The following SMC1B variants were observed in gnomAD, a reference collection of about 807,000 sequenced individuals.
The protein encoded by SMC1B is structural maintenance of chromosomes 1B.
SMC1B carries 60 observed loss-of-function variants against 157.9 expected under a neutral mutation model. The observed-to-expected ratio is 0.38, with a 90% CI of 0.31 to 0.47. The LOEUF (loss-of-function observed/expected upper bound fraction) is 0.47. SMC1B is among the 20% of genes least tolerant of loss of function. The pLI is 0.99. For missense variants in SMC1B, 1,165 were observed against 1,426.2 expected (o/e 0.82, Z 2.95); for synonymous variants, 445 against 483.0 (o/e 0.92, Z 1.03).
rs149498267 is a variant in SMC1B, at chr22:45,377,369, T to A, written c.2059-5077A>T. On this transcript the variant is annotated intron_variant, in intron 12 of 24. Transcript: ENST00000357450. ...ACAAAATTTCCTAGCCTGGGCATGG[T>A]GGCTCATGCCTGTAATCCCAGCACT... 7.7e-3 allele frequency among the ~76,000 whole-genome samples: 1,169 copies of A among 152,238 alleles called. 18 individuals are homozygous for A. Among genetic ancestry groups the A allele is most frequent in the African/African-American group, 0.027 (1,124 of 41,558 alleles).
At chr22:45,370,115 AT>A in intron 14 of SMC1B, 55 bp from the exon 15 acceptor site, 1 of 1,003,986 alleles carries the variant, frequency 1.0e-6, no homozygotes, top group Non-Finnish European at 1.4e-6. Context: ...GAAATATATA[AT>A]CTTAAATATG....
rs1437316727 is a variant in SMC1B at position 45,389,860 on chromosome 22, T to A, written c.1583A>T (p.Lys528Met). 3 of 1,614,010 alleles carry A rather than the reference T, an allele frequency of 1.9e-6. No homozygotes were observed. Among genetic ancestry groups the A allele is most frequent in the Admixed American group, 1.7e-5 (1 of 60,006 alleles). The change falls in exon 10 of 25, where the codon AAG becomes ATG. Residue 528 changes from lysine to methionine, a missense_variant. Lys to Met is a moderately conservative substitution (Grantham distance 95). Transcript: ENST00000357450. ...CTTAGTAACAGCCAGCTGGTATTTCTTATGAATAGGATGACACAGGTCAAA... is the reference window on the plus strand; with the variant it reads ...CTTAGTAACAGCCAGCTGGTATTTCATATGAATAGGATGACACAGGTCAAA... ...RLFDLCHPIH[K>M]KYQLAVTKVF...
chr22:45,358,787 A>C lies in SMC1B; in HGVS notation c.2871T>G (p.Thr957=), dbSNP rs1194345758. 1 of 1,610,832 alleles carries C rather than the reference A, an allele frequency of 6.2e-7. No individual in the cohort carries two copies. Among genetic ancestry groups the C allele is most frequent in the East Asian group, 2.2e-5 (1 of 44,796 alleles). Residue 957 remains threonine (T), a synonymous_variant, in exon 19 of 25, where the codon ACT becomes ACG. Transcript: ENST00000357450. Reference sequence around the variant, plus strand: ...TTGTTGCCTGGGTACTTTCTGCTTCAGTTCCCATCTGAAAAATATGTGAAC... The same window carrying C: ...TTGTTGCCTGGGTACTTTCTGCTTCCGTTCCCATCTGAAAAATATGTGAAC... The part of the protein sequence containing the change: ...LDDIIEVEMG[T]EAESTQATID...
Position 45,359,976 on chromosome 22 carries a change from T to G in SMC1B, c.2709-18A>C, listed in dbSNP as rs192489047. ...CCACTTCCCTGTAATTACACAGATATGAAAAAGTAATTTTACTCATTATGT... is the reference window on the plus strand; with the variant it reads ...CCACTTCCCTGTAATTACACAGATAGGAAAAAGTAATTTTACTCATTATGT... On this transcript the variant is annotated intron_variant, in intron 17 of 24. Coordinates refer to ENST00000357450, the MANE Select transcript of SMC1B (RefSeq NM_148674.5). 28 of 1,604,948 alleles carry G rather than the reference T, an allele frequency of 1.7e-5. No individual in the cohort carries two copies. In the African/African-American group the frequency reaches 2.3e-4, roughly 13 times the overall value.
At chr22:45,350,335 T>C (rs2146756687) in intron 22 of SMC1B, among the ~76,000 whole-genome samples, 1 of 152,070 alleles carries the variant, frequency 6.6e-6, no homozygotes, top group Non-Finnish European at 1.5e-5. Context: ...TGGAGTGCAG[T>C]GGCACAATCC....
intron 5 of SMC1B, among the ~76,000 whole-genome samples, chr22:45,399,897 C>T (rs1157175362): frequency 6.6e-6 from 1 of 152,080 alleles, no homozygotes; most frequent in African/African-American, 2.4e-5. Context: ...CACGTGATTA[C>T]TGGAAATGCA....
chr22:45,353,923 A>AAAAAAAAAAAAAACC, intron 21 of SMC1B, 55 bp downstream of exon 21: 6 of 1,036,886 alleles, frequency 5.8e-6, no homozygotes, highest in Non-Finnish European at 6.9e-6. Context: ...AAAAAAAACA[A>AAAAAAAAAAAAAACC]CCACCACCGG....
intron 12 of SMC1B, among the ~76,000 whole-genome samples, chr22:45,372,609 T>C (rs1013205950): frequency 2.0e-4 from 31 of 152,134 alleles, no homozygotes; most frequent in African/African-American, 7.2e-4. Flanking sequence ...TTGTTTTTAG[T>C]GCATCTTTCT....
At chr22:45,413,143 G>T (rs990155026) in intron 1 of SMC1B, among the ~76,000 whole-genome samples, 1 of 152,172 alleles carries the variant, frequency 6.6e-6, no homozygotes, top group Admixed American at 6.5e-5. Flanking sequence ...TCGGAGGAGG[G>T]TCGGGAGCCA....
rs541911624 is a variant in SMC1B at position 45,355,223 on chromosome 22, C to T, written c.2962-108G>A. 1.9e-5 allele frequency: 20 copies of T among 1,041,722 alleles called. No individual in the cohort carries two copies. In the African/African-American group the frequency reaches 3.0e-4, roughly 16 times the overall value. The allele number at this position is 1,041,722 out of a possible 1,614,324, so 64.5% of individuals were successfully genotyped here. The stretch of plus-strand genomic sequence containing the variant: ...ACCATCCCAGGTCCCTGTGCATCCA[C>T]TCCTTCTCTCCCCAAAGCCCTCTCT... On this transcript the variant is annotated intron_variant, in intron 19 of 24. Transcript: ENST00000357450.
Position 45,358,752 on chromosome 22 carries a change from T to C in SMC1B, c.2906A>G (p.Tyr969Cys), listed in dbSNP as rs368427677. 2.5e-5 allele frequency: 40 copies of C among 1,613,220 alleles called. No homozygotes were observed. Among genetic ancestry groups the C allele is most frequent in the Non-Finnish European group, 3.3e-5 (39 of 1,179,638 alleles). The change falls in exon 19 of 25, where the codon TAT becomes TGT. Residue 969 changes from tyrosine to cysteine, a missense_variant. Physicochemically the swap from Tyr to Cys is radical, Grantham distance 194. Coordinates refer to ENST00000357450, the MANE Select transcript of SMC1B (RefSeq NM_148674.5). Reference protein sequence around the residue: ...AESTQATIDIYEKEEAFEIDY... With the variant: ...AESTQATIDICEKEEAFEIDY... ...TATTTCAAAGGCTTCTTCTTTTTCA[T>C]AGATATCAATTGTTGCCTGGGTACT...
intron 4 of SMC1B, among the ~76,000 whole-genome samples, chr22:45,404,689 C>T (rs1362424680): frequency 2.1e-5 from 1 of 46,856 alleles, no homozygotes; most frequent in Non-Finnish European, 3.4e-5. Context: ...CCACCTATAA[C>T]CTGGAAGCCC....
At chr22:45,366,618 C>A (rs995710423) in intron 15 of SMC1B, among the ~76,000 whole-genome samples, 7 of 152,080 alleles carry the variant, frequency 4.6e-5, no homozygotes, top group Admixed American at 1.3e-4. Context: ...TAAAATCTGG[C>A]TGGGTGTGGT....
Position 45,371,720 on chromosome 22 carries a change from T to G in SMC1B, c.2197-133A>C, listed in dbSNP as rs537468522. Reference sequence around the variant, plus strand: ...AAGATGAATTCACCTGGATAAAAGGTTAAATACCACATAAATAATTAAGGG... The same window carrying G: ...AAGATGAATTCACCTGGATAAAAGGGTAAATACCACATAAATAATTAAGGG... On this transcript the variant is annotated intron_variant, in intron 13 of 24. Coordinates refer to ENST00000357450, the MANE Select transcript of SMC1B (RefSeq NM_148674.5). 12 of 1,064,646 alleles carry G rather than the reference T, an allele frequency of 1.1e-5. No homozygotes were observed. In the East Asian group the frequency reaches 3.1e-4, roughly 27 times the overall value. 65.9% of individuals were successfully genotyped at this position (1,064,646 alleles called of 1,614,324 possible).
intron 11 of SMC1B, among the ~76,000 whole-genome samples, chr22:45,385,470 CAG>C (rs2086980783): frequency 6.6e-6 from 1 of 151,988 alleles, no homozygotes; most frequent in South Asian, 2.1e-4. Context: ...ATCTAAAACA[CAG>C]AGAAAATTCT....
At chr22:45,369,836 G>T in intron 15 of SMC1B, 118 bp downstream of exon 15, 3 of 653,426 alleles carry the variant, frequency 4.6e-6, no homozygotes, top group Non-Finnish European at 7.8e-6. Flanking sequence ...AAGCCACCGT[G>T]CCCGGCCTAG....
intron 10 of SMC1B, among the ~76,000 whole-genome samples, chr22:45,389,390 C>A (rs2087030814): frequency 6.6e-6 from 1 of 152,172 alleles, no homozygotes; most frequent in Non-Finnish European, 1.5e-5. Context: ...ACGTCTTATC[C>A]ATTTCCTATA....
At chr22:45,380,724 C>T (rs561730384) in intron 12 of SMC1B, among the ~76,000 whole-genome samples, 1 of 152,062 alleles carries the variant, frequency 6.6e-6, no homozygotes, top group Non-Finnish European at 1.5e-5. Flanking sequence ...TCAAGACCAG[C>T]CTGGTCAATA....
At chr22:45,400,611 T>C (rs1245331596) in intron 5 of SMC1B, among the ~76,000 whole-genome samples, 1 of 152,166 alleles carries the variant, frequency 6.6e-6, no homozygotes, top group Non-Finnish European at 1.5e-5. Context: ...AAAACATAAC[T>C]CTCCTTACTC....
Sources: gnomAD v4.1 joint callset for allele counts (sites outside exome capture counted in the v4.1 genomes callset) on GRCh38, gnomAD v4.1.1 for gene constraint, MANE v1.5 for transcripts, NCBI Gene and HGNC (gene_info 2026-07-23, HGNC 2026-07-21) for gene names.